Variants in SIPA1L3 observed in about 807,000 individuals in gnomAD.
The protein encoded by SIPA1L3 is signal induced proliferation associated 1 like 3.
Under a neutral mutation model 150.1 loss-of-function variants are expected in SIPA1L3, and 59 were observed. The ratio of observed to expected loss-of-function variants is 0.39; its 90% CI spans 0.32 to 0.49. SIPA1L3 has a LOEUF of 0.49. Among genes scored for constraint, SIPA1L3 ranks in the 20% least tolerant of loss-of-function variants. The probability of loss-of-function intolerance (pLI) is 0.86; values close to 1 mark genes in which losing one functional copy is unlikely to be tolerated. For missense variants in SIPA1L3, 2,211 were observed against 2,489.5 expected (o/e 0.89, Z 2.38); for synonymous variants, 1,070 against 1,077.6 (o/e 0.99, Z 0.14).
At chr19:38,009,247 T>C (rs9636116) in intron 1 of SIPA1L3, among the ~76,000 whole-genome samples, 44,928 of 151,934 alleles carry the variant, frequency 0.3, 7,551 homozygotes, top group East Asian at 0.71. Context: ...CTCGAACTCC[T>C]GACCTTGTGA....
chr19:38,192,056 G>T (rs566274309), intron 16 of SIPA1L3, 89 bp from the exon 17 acceptor site: 3 of 1,255,402 alleles, frequency 2.4e-6, no homozygotes, highest in African/African-American at 3.1e-5. Context: ...CATGCGTCCC[G>T]TGGTGGCCGG....
chr19:38,080,113 T>A (rs1263718514), intron 2 of SIPA1L3, among the ~76,000 whole-genome samples: 1 of 152,102 alleles, frequency 6.6e-6, no homozygotes. Context: ...AGTGATGGGC[T>A]CTGATTTACC....
chr19:37,922,685 G>C (rs1242715456), intron 1 of SIPA1L3, among the ~76,000 whole-genome samples: 1 of 151,810 alleles, frequency 6.6e-6, no homozygotes, highest in Non-Finnish European at 1.5e-5. Context: ...GAGCCACTGA[G>C]CCCGGCCTTG....
At chr19:38,117,684 G>C (rs867229155) in intron 8 of SIPA1L3, among the ~76,000 whole-genome samples, 23 of 152,144 alleles carry the variant, frequency 1.5e-4, no homozygotes, top group Admixed American at 1.2e-3. Flanking sequence ...GGGAGAGAAT[G>C]GGGCTCACCC....
At chr19:37,997,531 G>A (rs1221831447) in intron 1 of SIPA1L3, among the ~76,000 whole-genome samples, 1 of 127,804 alleles carries the variant, frequency 7.8e-6, no homozygotes, top group Non-Finnish European at 1.6e-5. Context: ...TTGTGCCACT[G>A]CACTCCAGCC....
At chr19:38,001,054 T>TATATATATCAC (rs1292442664) in intron 1 of SIPA1L3, among the ~76,000 whole-genome samples, 3 of 150,846 alleles carry the variant, frequency 2.0e-5, no homozygotes, top group Middle Eastern at 3.5e-3. Flanking sequence ...ATCACACATA[T>TATATATATCAC]ATATATATCA....
intron 1 of SIPA1L3, among the ~76,000 whole-genome samples, chr19:37,994,415 G>C (rs1198804792): frequency 6.6e-6 from 1 of 152,180 alleles, no homozygotes; most frequent in Non-Finnish European, 1.5e-5. Context: ...TCAGGGCTGG[G>C]CTGTGAAGTT....
chr19:38,064,231 C>T (rs1480420521), intron 2 of SIPA1L3, among the ~76,000 whole-genome samples: 1 of 152,248 alleles, frequency 6.6e-6, no homozygotes, highest in East Asian at 1.9e-4. Flanking sequence ...GCCAACCCCA[C>T]AGAGACTCAG....
At chr19:38,172,219 C>G (rs1972342917) in intron 15 of SIPA1L3, among the ~76,000 whole-genome samples, 1 of 152,124 alleles carries the variant, frequency 6.6e-6, no homozygotes, top group East Asian at 1.9e-4. Flanking sequence ...CAGGGCAGAG[C>G]CAGCAAGCCA....
chr19:37,935,429 T>C (rs2046591942), intron 1 of SIPA1L3, among the ~76,000 whole-genome samples: 1 of 152,222 alleles, frequency 6.6e-6, no homozygotes. Flanking sequence ...TTGTACAGCG[T>C]TGTACCCAGA....
rs1397884875 is a variant in SIPA1L3, at chr19:38,164,251, A to G, written c.3781-228A>G. 6.6e-6 allele frequency among the ~76,000 whole-genome samples: 1 copy of G among 152,102 alleles called. No individual in the cohort carries two copies. Among genetic ancestry groups the G allele is most frequent in the African/African-American group, 2.4e-5 (1 of 41,422 alleles). ...GTGCCTGATGTCATTTGTTCCTCTGAGCAGCCCCATGAGGCAGGCTTACTA... is the reference window on the plus strand; with the variant it reads ...GTGCCTGATGTCATTTGTTCCTCTGGGCAGCCCCATGAGGCAGGCTTACTA... On this transcript the variant is annotated intron_variant, in intron 14 of 21. Coordinates refer to ENST00000222345, the MANE Select transcript of SIPA1L3 (RefSeq NM_015073.3). The surrounding 1 kb of genome is among the most constrained non-coding windows in gnomAD (Gnocchi z 4.1).
intron 2 of SIPA1L3, among the ~76,000 whole-genome samples, chr19:38,070,202 A>G (rs1969685388): frequency 6.6e-6 from 1 of 150,664 alleles, no homozygotes; most frequent in South Asian, 2.1e-4. Context: ...CTATCTATCT[A>G]TCTATCTATC....
chr19:38,150,802 A>G (rs1971804792), intron 12 of SIPA1L3, among the ~76,000 whole-genome samples: 1 of 151,892 alleles, frequency 6.6e-6, no homozygotes, highest in Admixed American at 6.6e-5. Flanking sequence ...CGGCCTCCCA[A>G]AGTGCTGGGA....
At chr19:37,961,264 C>T (rs759554052) in intron 1 of SIPA1L3, among the ~76,000 whole-genome samples, 1 of 151,648 alleles carries the variant, frequency 6.6e-6, no homozygotes. Context: ...AAGTTATCTT[C>T]GTACCTGGGC....
intron 13 of SIPA1L3, among the ~76,000 whole-genome samples, chr19:38,153,924 ACT>A (rs1180496653): frequency 6.6e-6 from 1 of 151,962 alleles, no homozygotes. Context: ...ACAGAGCAAG[ACT>A]CTGTCTCAGA....
intron 1 of SIPA1L3, among the ~76,000 whole-genome samples, chr19:37,954,258 C>G (rs1157784766): frequency 6.6e-6 from 1 of 152,030 alleles, no homozygotes; most frequent in Non-Finnish European, 1.5e-5. Flanking sequence ...CATTCATGAT[C>G]CTACTATGGT....
rs547982336 is a variant in SIPA1L3, at chr19:38,187,590, G to A, written c.4431-4555G>A. Among the ~76,000 whole-genome samples the A allele has an allele frequency of 2.0e-3, 302 of 149,864 alleles. 3 individuals carry two copies. Among genetic ancestry groups the A allele is most frequent in the African/African-American group, 6.7e-3 (271 of 40,596 alleles). ...AAATTAGCCGGGCGAGGTGGCGGGC[G>A]CCTGTAGTCCCAGCTACTCGGGAGG... is the stretch of plus-strand genomic sequence containing the variant. On this transcript the variant is annotated intron_variant, in intron 16 of 21. Transcript: ENST00000222345.
chr19:37,990,299 G>A (rs1485946486), intron 1 of SIPA1L3, among the ~76,000 whole-genome samples: 1 of 152,178 alleles, frequency 6.6e-6, no homozygotes, highest in Non-Finnish European at 1.5e-5. Flanking sequence ...AAGGTGGTGG[G>A]TGTTCTTGTT....
intron 2 of SIPA1L3, among the ~76,000 whole-genome samples, chr19:38,067,026 C>T (rs982034620): frequency 2.6e-5 from 4 of 151,082 alleles, no homozygotes; most frequent in Non-Finnish European, 4.4e-5. Context: ...CACTTAAGCC[C>T]GGGAGTTCAA....
Sources: allele counts gnomAD v4.1 joint callset (sites outside exome capture counted in the v4.1 genomes callset), GRCh38; gene constraint gnomAD v4.1.1; non-coding constraint Gnocchi (gnomAD v3.1); transcripts MANE v1.5; gene names NCBI Gene and HGNC (gene_info 2026-07-23, HGNC 2026-07-21).